Variants in RBFOX1 observed in about 807,000 individuals in gnomAD.
The protein encoded by RBFOX1 is RNA binding fox-1 homolog 1.
Under a neutral mutation model 57.7 loss-of-function variants are expected in RBFOX1, and 8 were observed. The observed-to-expected ratio is 0.14, with a 90% CI of 0.08 to 0.25. The LOEUF (loss-of-function observed/expected upper bound fraction) is 0.25, where lower values mean the gene tolerates loss of function less well. RBFOX1 is among the 10% of genes least tolerant of loss of function. RBFOX1 has a pLI of 1.00. For missense variants in RBFOX1, 611 were observed against 548.5 expected (o/e 1.11, Z -1.14); for synonymous variants, 326 against 222.4 (o/e 1.47, Z -4.15).
intron 2 of RBFOX1, among the ~76,000 whole-genome samples, chr16:5,581,534 T>C (rs2046666340): frequency 6.6e-6 from 1 of 152,182 alleles, no homozygotes; most frequent in Admixed American, 6.5e-5. Flanking sequence ...TTAGGAAGTG[T>C]CACAGGGCTA....
chr16:6,990,394 G>A (rs114997704), intron 3 of RBFOX1, among the ~76,000 whole-genome samples: 10,052 of 152,026 alleles, frequency 0.066, 406 homozygotes, highest in South Asian at 0.17. Flanking sequence ...TAGTGGTGGC[G>A]CATGCCTGTA....
intron 3 of RBFOX1, among the ~76,000 whole-genome samples, chr16:6,821,766 T>C (rs1165794003): frequency 6.6e-6 from 1 of 152,228 alleles, no homozygotes; most frequent in Non-Finnish European, 1.5e-5. Flanking sequence ...TGAACCAATT[T>C]TTTCATTGAT....
chr16:7,207,396 A>C (rs1236752813), intron 4 of RBFOX1, among the ~76,000 whole-genome samples: 1 of 152,142 alleles, frequency 6.6e-6, no homozygotes, highest in African/African-American at 2.4e-5. Flanking sequence ...CGTTAGGTTC[A>C]CATGAATGGT....
chr16:5,742,120 A>C (rs939188166), intron 3 of RBFOX1, among the ~76,000 whole-genome samples: 1 of 152,242 alleles, frequency 6.6e-6, no homozygotes, highest in African/African-American at 2.4e-5. Context: ...TCAGAGTGAT[A>C]GTATATGGAA....
intron 1 of RBFOX1, among the ~76,000 whole-genome samples, chr16:5,414,927 T>C (rs909520597): frequency 3.2e-4 from 48 of 152,334 alleles, no homozygotes; most frequent in African/African-American, 1.2e-3. Context: ...TAATAGTCCA[T>C]GCCTGTTTTT....
intron 5 of RBFOX1, 37 bp from the exon 6 acceptor site, chr16:7,579,740 C>T: frequency 6.2e-7 from 1 of 1,613,228 alleles, no homozygotes; most frequent in East Asian, 2.2e-5. Context: ...CACTGTGGTC[C>T]ACTGAGAACC....
intron 1 of RBFOX1, among the ~76,000 whole-genome samples, chr16:5,309,863 A>G (rs2064036867): frequency 6.6e-6 from 1 of 152,200 alleles, no homozygotes; most frequent in African/African-American, 2.4e-5. Context: ...CCTGCCTGGC[A>G]TTTTTAGATG....
chr16:6,693,283 C>G (rs902310310), intron 3 of RBFOX1, among the ~76,000 whole-genome samples: 5 of 151,632 alleles, frequency 3.3e-5, no homozygotes, highest in Admixed American at 2.0e-4. Context: ...TCACCACCGT[C>G]ATTAGCAACA....
At chr16:6,456,818 A>G (rs1478159646) in intron 2 of RBFOX1, among the ~76,000 whole-genome samples, 2 of 152,226 alleles carry the variant, frequency 1.3e-5, no homozygotes, top group Non-Finnish European at 2.9e-5. Flanking sequence ...AGAGGAAGCA[A>G]CGTGGACTCA....
Position 7,051,917 on chromosome 16 carries a change from C to T in RBFOX1, c.-15-140C>T, listed in dbSNP as rs2050217341. 3 of 1,325,202 alleles carry T rather than the reference C, an allele frequency of 2.3e-6. No individual in the cohort carries two copies. The Admixed American group carries it at 6.7e-5, about 30-fold the overall frequency. 82.1% of individuals were successfully genotyped at this position (1,325,202 alleles called of 1,614,324 possible). On this transcript the variant is annotated intron_variant, in intron 3 of 15. Transcript: ENST00000550418. ...CAAGTGAAGCTTGAGCTATGTAGAC[C>T]TAAAGAAAAATTAAATACATAATTA...
At chr16:7,358,130 A>G (rs1168438687) in intron 4 of RBFOX1, among the ~76,000 whole-genome samples, 1 of 152,200 alleles carries the variant, frequency 6.6e-6, no homozygotes, top group African/African-American at 2.4e-5. Flanking sequence ...TAACTTTCAT[A>G]ACTCACTCCA....
intron 4 of RBFOX1, among the ~76,000 whole-genome samples, chr16:7,392,724 C>A (rs771621175): frequency 2.0e-5 from 3 of 152,146 alleles, no homozygotes; most frequent in Non-Finnish European, 4.4e-5. Flanking sequence ...CTGAAAACTT[C>A]AGGAGTGGTT....
intron 10 of RBFOX1, among the ~76,000 whole-genome samples, chr16:7,618,429 A>G (rs2058802162): frequency 6.6e-6 from 1 of 152,136 alleles, no homozygotes; most frequent in African/African-American, 2.4e-5. Flanking sequence ...CTTAATTACT[A>G]ATCTAGTGCC....
At chr16:5,907,951 A>G (rs1479877391) in intron 4 of RBFOX1, among the ~76,000 whole-genome samples, 14 of 151,568 alleles carry the variant, frequency 9.2e-5, no homozygotes, top group East Asian at 1.9e-4. Context: ...GGATTTCACT[A>G]TGTTGGCCAG....
At chr16:6,592,869 G>A in intron 2 of RBFOX1, among the ~76,000 whole-genome samples, 1 of 152,154 alleles carries the variant, frequency 6.6e-6, no homozygotes, top group East Asian at 1.9e-4. Flanking sequence ...TTTCTCAGGG[G>A]TTTCTTGAGC....
intron 1 of RBFOX1, among the ~76,000 whole-genome samples, chr16:6,096,129 A>G (rs2096242833): frequency 6.6e-6 from 1 of 152,202 alleles, no homozygotes; most frequent in African/African-American, 2.4e-5. Flanking sequence ...CGACCTTGTC[A>G]TTGATTTTTG....
chr16:5,832,523 A>G (rs1158824705), intron 3 of RBFOX1, among the ~76,000 whole-genome samples: 1 of 152,206 alleles, frequency 6.6e-6, no homozygotes, highest in African/African-American at 2.4e-5. Flanking sequence ...TTATGCATGA[A>G]ATGCTTAGTT....
At chr16:7,415,567 T>C (rs1429218209) in intron 4 of RBFOX1, among the ~76,000 whole-genome samples, 3 of 152,180 alleles carry the variant, frequency 2.0e-5, no homozygotes, top group African/African-American at 7.2e-5. Context: ...TCTGGCTTTG[T>C]GATTTGGGGT....
intron 3 of RBFOX1, among the ~76,000 whole-genome samples, chr16:7,027,795 AAAGG>A (rs962872027): frequency 6.6e-6 from 1 of 152,080 alleles, no homozygotes; most frequent in Non-Finnish European, 1.5e-5. Context: ...TTAAACAAGA[AAAGG>A]AAGAAATAAA....
Sources: allele counts gnomAD v4.1 joint callset (sites outside exome capture counted in the v4.1 genomes callset), GRCh38; gene constraint gnomAD v4.1.1; transcripts MANE v1.5; gene names NCBI Gene and HGNC (gene_info 2026-07-23, HGNC 2026-07-21).